NRG1: variants seen among roughly 807,000 people sequenced by gnomAD.
NRG1 encodes neuregulin 1, also known as pro-neuregulin-1, membrane-bound isoform.
Under a neutral mutation model 63.8 loss-of-function variants are expected in NRG1, and 18 were observed. The observed-to-expected ratio is 0.28, with a 90% CI of 0.19 to 0.42. The LOEUF (loss-of-function observed/expected upper bound fraction) is 0.42. Among genes scored for constraint, NRG1 ranks in the 10% least tolerant of loss-of-function variants. NRG1 has a pLI of 1.00. For synonymous variants in NRG1, 302 were observed against 301.3 expected (o/e 1.00, Z -0.02); for missense variants, 762 against 814.7 (o/e 0.94, Z 0.79).
At chr8:32,478,910 A>G (rs537714027) in intron 1 of NRG1, among the ~76,000 whole-genome samples, 4 of 152,166 alleles carry the variant, frequency 2.6e-5, no homozygotes, top group Non-Finnish European at 5.9e-5. Context: ...GAATTTGGTT[A>G]TTATCTCCAG....
chr8:32,597,692 C>G (rs928785438), intron 2 of NRG1, among the ~76,000 whole-genome samples: 1 of 152,022 alleles, frequency 6.6e-6, no homozygotes. Flanking sequence ...TAGTAAGAGA[C>G]TCAGTGAGAG....
chr8:32,265,652 G>A (rs1323762822), intron 1 of NRG1, among the ~76,000 whole-genome samples: 2 of 152,044 alleles, frequency 1.3e-5, no homozygotes, highest in African/African-American at 4.8e-5. Context: ...AGGTCAGCCT[G>A]GCAACATGGT....
rs1007249045 is a variant in NRG1 at position 32,075,161 on chromosome 8, A to G, written c.37+435730A>G. 3.9e-5 allele frequency among the ~76,000 whole-genome samples: 6 copies of G among 152,244 alleles called. No individual in the cohort carries two copies. In the East Asian group the frequency reaches 9.6e-4, roughly 24 times the overall value. ...TAAATGTTAGTCCTTGAATGAAAGT[A>G]GAGCTCTGGTAGAGATATTCCATAA... On this transcript the variant is annotated intron_variant, in intron 1 of 10. Coordinates refer to the NRG1 transcript ENST00000519301.
chr8:32,667,983 C>T (rs1804652590), intron 5 of NRG1, among the ~76,000 whole-genome samples: 1 of 152,050 alleles, frequency 6.6e-6, no homozygotes, highest in Admixed American at 6.6e-5. Flanking sequence ...GAGGCCGAGG[C>T]AAGCGGATCA....
chr8:31,773,644 C>T (rs1818842230), intron 1 of NRG1, among the ~76,000 whole-genome samples: 2 of 152,164 alleles, frequency 1.3e-5, no homozygotes. Flanking sequence ...AAGCCTTTGG[C>T]AGTTTTCTCT....
intron 1 of NRG1, among the ~76,000 whole-genome samples, chr8:32,042,917 CTGATATGTA>C (rs1820303765): frequency 6.8e-6 from 1 of 147,162 alleles, no homozygotes; most frequent in Non-Finnish European, 1.5e-5. Context: ...ATAAAAAGGT[CTGATATGTA>C]TGGCTTTGAA....
intron 1 of NRG1, among the ~76,000 whole-genome samples, chr8:31,653,891 T>G (rs1013525155): frequency 6.6e-6 from 1 of 152,006 alleles, no homozygotes; most frequent in African/African-American, 2.4e-5. Context: ...CATTTTGATG[T>G]AGAGACTGTG....
intron 1 of NRG1, among the ~76,000 whole-genome samples, chr8:31,898,310 T>A (rs1008775107): frequency 1.3e-5 from 2 of 152,136 alleles, no homozygotes; most frequent in African/African-American, 4.8e-5. Context: ...CTAATACATA[T>A]ATATTTTAAT....
chr8:32,486,772 G>A (rs1266950905), intron 1 of NRG1, among the ~76,000 whole-genome samples: 1 of 151,958 alleles, frequency 6.6e-6, no homozygotes, highest in Non-Finnish European at 1.5e-5. Flanking sequence ...TTACAGGTGT[G>A]TGCTCCCATG....
intron 1 of NRG1, among the ~76,000 whole-genome samples, chr8:31,757,606 G>A (rs1014610726): frequency 2.0e-5 from 3 of 152,056 alleles, no homozygotes; most frequent in African/African-American, 7.2e-5. Context: ...TTTGCATGAA[G>A]ATAAGACTTG....
At chr8:31,694,732 G>T (rs1259132678) in intron 1 of NRG1, among the ~76,000 whole-genome samples, 1 of 152,100 alleles carries the variant, frequency 6.6e-6, no homozygotes, top group Admixed American at 6.6e-5. Context: ...CCAGGCTAGG[G>T]GGCTACAATT....
At chr8:32,179,865 A>G (rs1468196693) in intron 1 of NRG1, among the ~76,000 whole-genome samples, 2 of 152,078 alleles carry the variant, frequency 1.3e-5, no homozygotes, top group Non-Finnish European at 2.9e-5. Flanking sequence ...TAATCGGAGC[A>G]TCTTTGTAAT....
chr8:31,678,143 A>G (rs922751885), intron 1 of NRG1, among the ~76,000 whole-genome samples: 2 of 151,636 alleles, frequency 1.3e-5, no homozygotes, highest in East Asian at 1.9e-4. Flanking sequence ...TATGTCATGA[A>G]TTTCCTCTGA....
intron 3 of NRG1, among the ~76,000 whole-genome samples, chr8:32,611,776 A>G (rs539216438): frequency 4.1e-4 from 62 of 152,110 alleles, no homozygotes; most frequent in Non-Finnish European, 7.5e-4. Flanking sequence ...AAAAAGTCAC[A>G]TAAGTGAATG....
chr8:31,965,383 C>A (rs1324202310), intron 1 of NRG1, among the ~76,000 whole-genome samples: 1 of 151,944 alleles, frequency 6.6e-6, no homozygotes, highest in African/African-American at 2.4e-5. Flanking sequence ...CCACCATACC[C>A]AGGTAATTTT....
intron 2 of NRG1, among the ~76,000 whole-genome samples, chr8:32,601,467 G>A (rs1302042347): frequency 6.6e-6 from 1 of 152,066 alleles, no homozygotes; most frequent in East Asian, 1.9e-4. Context: ...TGAATGCTCA[G>A]AAAAGTGCTT....
intron 1 of NRG1, among the ~76,000 whole-genome samples, chr8:31,840,713 G>T (rs16878332): frequency 0.026 from 3,934 of 152,176 alleles, 167 homozygotes; most frequent in African/African-American, 0.089. Context: ...TTTTCTCTGT[G>T]TGACGGAGGT....
At chr8:31,642,981 TGTG>T (rs1465748139) in intron 1 of NRG1, among the ~76,000 whole-genome samples, 2 of 87,766 alleles carry the variant, frequency 2.3e-5, no homozygotes, top group Non-Finnish European at 5.1e-5. Context: ...AGTGTAAAAG[TGTG>T]TGTGTGTGTG....
At chr8:32,511,156 T>C (rs1013670674) in intron 1 of NRG1, among the ~76,000 whole-genome samples, 2 of 150,856 alleles carry the variant, frequency 1.3e-5, no homozygotes, top group Non-Finnish European at 3.0e-5. Context: ...CTGGACCAGA[T>C]GAAATGGGAA....
Sources: allele counts gnomAD v4.1 joint callset (sites outside exome capture counted in the v4.1 genomes callset), GRCh38; gene constraint gnomAD v4.1.1; transcripts MANE v1.5; gene names NCBI Gene and HGNC (gene_info 2026-07-23, HGNC 2026-07-21).